MYOM1: variants seen among roughly 807,000 people sequenced by gnomAD.
MYOM1 encodes myomesin-1.
MYOM1 carries 164 observed loss-of-function variants against 205.3 expected under a neutral mutation model. The observed-to-expected ratio is 0.80, with a 90% CI of 0.70 to 0.91. MYOM1 has a LOEUF of 0.91. MYOM1 is among the 40% of genes least tolerant of loss of function. The pLI, the probability that MYOM1 is intolerant of heterozygous loss-of-function variation, is 0.00. For missense variants in MYOM1, 2,011 were observed against 2,127.3 expected (o/e 0.95, Z 1.08); for synonymous variants, 772 against 789.4 (o/e 0.98, Z 0.37).
intron 21 of MYOM1, 138 bp downstream of exon 21, chr18:3,116,193 C>G: frequency 1.1e-6 from 1 of 871,184 alleles, no homozygotes; most frequent in Non-Finnish European, 1.7e-6. Context: ...GCCCCAACCT[C>G]TGCCAGTGGA....
intron 9 of MYOM1, among the ~76,000 whole-genome samples, 189 bp downstream of exon 9, chr18:3,168,628 T>C (rs1178792644): frequency 6.6e-6 from 1 of 152,216 alleles, no homozygotes; most frequent in Non-Finnish European, 1.5e-5. Flanking sequence ...ATCTTACTTG[T>C]TAAAAGGAAA....
At chr18:3,141,846 C>T (rs2080053968) in intron 14 of MYOM1, 93 bp downstream of exon 14, 4 of 1,491,608 alleles carry the variant, frequency 2.7e-6, no homozygotes, top group Middle Eastern at 4.1e-4. Flanking sequence ...CCCTCCTCCT[C>T]CCTCACTCCA....
intron 2 of MYOM1, among the ~76,000 whole-genome samples, chr18:3,204,622 C>T (rs1037950817): frequency 6.6e-6 from 1 of 151,908 alleles, no homozygotes; most frequent in African/African-American, 2.4e-5. Context: ...GAAAACTCAA[C>T]ATTATTAAAA....
chr18:3,141,603 C>A (rs1338974886), intron 14 of MYOM1, among the ~76,000 whole-genome samples: 1 of 152,162 alleles, frequency 6.6e-6, no homozygotes, highest in East Asian at 1.9e-4. Context: ...ATTACCAAAG[C>A]AAGGGAGACA....
intron 13 of MYOM1, among the ~76,000 whole-genome samples, chr18:3,145,004 C>T (rs996263770): frequency 2.0e-5 from 3 of 152,112 alleles, no homozygotes; most frequent in Admixed American, 2.0e-4. Flanking sequence ...TAAAACTCAA[C>T]AATAGCAGAA....
intron 14 of MYOM1, among the ~76,000 whole-genome samples, chr18:3,141,115 A>G (rs2080042477): frequency 6.6e-6 from 1 of 152,094 alleles, no homozygotes; most frequent in African/African-American, 2.4e-5. Flanking sequence ...AGGACTTCTT[A>G]CCCCCACTAA....
At chr18:3,119,819 C>A in intron 20 of MYOM1, 50 bp downstream of exon 20, 1 of 1,560,778 alleles carries the variant, frequency 6.4e-7, no homozygotes, top group Non-Finnish European at 8.7e-7. Flanking sequence ...TGTAGGTTCT[C>A]TTGGAGGAAA....
intron 9 of MYOM1, among the ~76,000 whole-genome samples, chr18:3,165,228 ACT>A (rs1172160172): frequency 2.6e-5 from 4 of 152,214 alleles, no homozygotes; most frequent in Admixed American, 6.5e-5. Context: ...AAAAGATTTA[ACT>A]CTTCATACAA....
chr18:3,245,654 C>T, the MYOM1 span, among the ~76,000 whole-genome samples: 1 of 152,202 alleles, frequency 6.6e-6, no homozygotes, highest in Non-Finnish European at 1.5e-5. Flanking sequence ...ACAGACTACA[C>T]AATTCCTGTT....
chr18:3,226,684 G>A, the MYOM1 span, among the ~76,000 whole-genome samples: 1 of 152,132 alleles, frequency 6.6e-6, no homozygotes, highest in Non-Finnish European at 1.5e-5. This position sits in a 1 kb window ranked among gnomAD's most constrained non-coding sequence, Gnocchi z 4.6. Flanking sequence ...TTACTTTTCT[G>A]TCTCTGCACA....
At chr18:3,136,164 C>CACCATGA (rs1555621872) in intron 14 of MYOM1, among the ~76,000 whole-genome samples, 2 of 152,108 alleles carry the variant, frequency 1.3e-5, no homozygotes, top group Non-Finnish European at 2.9e-5. Flanking sequence ...TTTCGCCTTC[C>CACCATGA]ACCATGATTG....
intron 5 of MYOM1, among the ~76,000 whole-genome samples, chr18:3,186,853 GGAAA>G (rs1429425941): frequency 5.1e-5 from 7 of 136,994 alleles, no homozygotes; most frequent in African/African-American, 1.1e-4. Context: ...AGAAAGAAAG[GGAAA>G]GGAAGGAAGG....
At chr18:3,078,340 C>T (rs2079043893) in intron 34 of MYOM1, among the ~76,000 whole-genome samples, 1 of 152,134 alleles carries the variant, frequency 6.6e-6, no homozygotes, top group Admixed American at 6.5e-5. Flanking sequence ...CCATGCCCAC[C>T]TGAGATTGTA....
chr18:3,231,915 A>C, the MYOM1 span, among the ~76,000 whole-genome samples: 1 of 151,746 alleles, frequency 6.6e-6, no homozygotes, highest in Non-Finnish European at 1.5e-5. Flanking sequence ...AAGCCAAAAT[A>C]AAATATTCTT....
At chr18:3,177,893 G>A (rs3924989) in intron 5 of MYOM1, among the ~76,000 whole-genome samples, 97,970 of 152,068 alleles carry the variant, frequency 0.64, 31,871 homozygotes, top group African/African-American at 0.69. Context: ...CTTCTGACAA[G>A]TAAGAGCTGA....
Position 3,152,914 on chromosome 18 carries a change from C to T in MYOM1, c.1644-1021G>A, listed in dbSNP as rs574661040. On this transcript the variant is annotated intron_variant, in intron 11 of 37. Coordinates refer to ENST00000356443, the MANE Select transcript of MYOM1 (RefSeq NM_003803.4). The surrounding 1 kb of genome is among the most constrained non-coding windows in gnomAD (Gnocchi z 4.3). ...TTATGTAAAGTGGAATAGACAACTT[C>T]CTCACTTTCCTTATGTAAAGTGCTG... Among the ~76,000 whole-genome samples, 1 of 152,272 alleles carries T rather than the reference C, an allele frequency of 6.6e-6. No homozygotes were observed. Among genetic ancestry groups the T allele is most frequent in the African/African-American group, 2.4e-5 (1 of 41,560 alleles).
Position 3,193,953 on chromosome 18 carries a change from G to GT in MYOM1, c.295dup (p.Thr99AsnfsTer9). 1 of 1,613,230 alleles carries GT rather than the reference G, an allele frequency of 6.2e-7. No homozygotes were observed. Among genetic ancestry groups the GT allele is most frequent in the Non-Finnish European group, 8.5e-7 (1 of 1,179,570 alleles). On this transcript the variant is annotated frameshift_variant, in exon 3 of 38. Transcript: ENST00000356443. LOFTEE classifies it high-confidence loss of function. Reference sequence around the variant, plus strand: ...ATCATCTAACAGCAGACTGGAATCTGTAAGTCTGAAATAAACCACCTAACA... The same window carrying GT: ...ATCATCTAACAGCAGACTGGAATCTGTTAAGTCTGAAATAAACCACCTAACA...
rs531751097 is a variant in MYOM1 at position 3,156,851 on chromosome 18, C to T, written c.1502-1763G>A. Among the ~76,000 whole-genome samples the T allele has an allele frequency of 2.6e-5, 4 of 152,198 alleles. No individual in the cohort carries two copies. The East Asian group carries it at 5.8e-4, about 22-fold the overall frequency. On this transcript the variant is annotated intron_variant, in intron 10 of 37. Transcript: ENST00000356443. ...GTCTCGAACTCCTGACCTTGTGATCCGCCCGCCTCGGCCTCCCAAAGTGCT... is the reference window on the plus strand; with the variant it reads ...GTCTCGAACTCCTGACCTTGTGATCTGCCCGCCTCGGCCTCCCAAAGTGCT...
chr18:3,225,180 A>ACGGG, the MYOM1 span, among the ~76,000 whole-genome samples: 7 of 144,708 alleles, frequency 4.8e-5, no homozygotes, highest in East Asian at 2.1e-4. Flanking sequence ...TTTAGTAGAG[A>ACGGG]GTTTCACCGT....
Sources: allele counts gnomAD v4.1 joint callset (sites outside exome capture counted in the v4.1 genomes callset), GRCh38; gene constraint gnomAD v4.1.1; non-coding constraint Gnocchi (gnomAD v3.1); transcripts MANE v1.5; gene names NCBI Gene and HGNC (gene_info 2026-07-23, HGNC 2026-07-21).